The following PROM1 variants were observed in gnomAD, a reference collection of about 807,000 sequenced individuals.
The protein encoded by PROM1 is prominin 1.
A neutral mutation model predicts 116.9 loss-of-function variants in PROM1; 105 were observed. That is an observed-to-expected ratio of 0.90 (90% confidence interval 0.77 to 1.06). PROM1 has a LOEUF of 1.06. Among genes scored for constraint, PROM1 ranks in the 50% least tolerant of loss-of-function variants. The probability of loss-of-function intolerance (pLI) is 0.00; values close to 1 mark genes in which losing one functional copy is unlikely to be tolerated. For synonymous variants in PROM1, 393 were observed against 387.0 expected, an observed-to-expected ratio of 1.02 and a Z score of -0.18; for missense variants, 1,122 against 1,045.2, an observed-to-expected ratio of 1.07 and a Z score of -1.01.
rs146293079 is a variant in PROM1, at chr4:16,066,912, C to T, written c.220+8775G>A. Among the ~76,000 whole-genome samples, 655 of 152,132 alleles carry T rather than the reference C, an allele frequency of 4.3e-3. 4 individuals carry two copies. The highest frequency in any genetic ancestry group is 0.014 in the African/African-American group (599 of 41,490). On this transcript the variant is annotated intron_variant, in intron 2 of 27. Transcript: ENST00000447510. ...TTTCCCAGCTGTGCATAGCCCGCCT[C>T]GATTATTTATGTAGGGCAAGATAGG...
At chr4:16,016,311 T>G (rs1262247615) in intron 9 of PROM1, 71 bp from the exon 10 acceptor site, 1 of 1,215,050 alleles carries the variant, frequency 8.2e-7, no homozygotes, top group African/African-American at 1.5e-5. Context: ...AAGAAAGAAG[T>G]CATTGTATAT....
At chr4:16,078,047 T>G (rs2176445) in intron 1 of PROM1, 104,832 of 151,858 alleles carry the variant, frequency 0.69, 36,874 homozygotes, top group Non-Finnish European at 0.76. Flanking sequence ...TCACCACCTC[T>G]ACAACTAGGG....
intron 20 of PROM1, 122 bp from the exon 21 acceptor site, chr4:15,986,159 T>G: frequency 1.5e-6 from 1 of 679,916 alleles, no homozygotes; most frequent in South Asian, 2.2e-5. Context: ...ACCTGCTAGT[T>G]AAGAGGAAGA....
At chr4:16,015,929 T>C (rs910588349) in intron 10 of PROM1, among the ~76,000 whole-genome samples, 2 of 152,124 alleles carry the variant, frequency 1.3e-5, no homozygotes, top group Non-Finnish European at 2.9e-5. Context: ...GCAGAGGTCA[T>C]GTTCTTCTTG....
At chr4:16,078,746 A>G (rs1197429734) in intron 1 of PROM1, among the ~76,000 whole-genome samples, 1 of 152,236 alleles carries the variant, frequency 6.6e-6, no homozygotes, top group Non-Finnish European at 1.5e-5. Context: ...CCCACTACCA[A>G]TATTCCAAGT....
At chr4:16,054,284 C>A (rs1363129560) in intron 2 of PROM1, among the ~76,000 whole-genome samples, 1 of 152,144 alleles carries the variant, frequency 6.6e-6, no homozygotes, top group Non-Finnish European at 1.5e-5. Context: ...TATCTAACCC[C>A]TTTTACGCGG....
chr4:16,004,839 T>TCCTC (rs1724844355), intron 13 of PROM1, among the ~76,000 whole-genome samples: 1 of 139,262 alleles, frequency 7.2e-6, no homozygotes, highest in Non-Finnish European at 1.5e-5. Context: ...TTTTCTTCCT[T>TCCTC]CCTTCCTTCC....
In PROM1 at chr4:15,980,546, A is replaced by G. The variant is rs1717564658; in HGVS notation, c.2374-9T>C. On this transcript the variant is annotated splice_polypyrimidine_tract_variant and intron_variant, in intron 23 of 27. Transcript: ENST00000447510. ...CCAAACCAAAACAAATTCTAGGAAA[A>G]AAAAATCAGAAGAATTAAATGTTTG... The G allele has an allele frequency of 6.8e-7, 1 of 1,460,046 alleles. No individual in the cohort carries two copies. The highest frequency in any genetic ancestry group is 9.4e-7 in the Non-Finnish European group (1 of 1,067,724). The allele number at this position is 1,460,046 out of a possible 1,614,324, so 90.4% of individuals were successfully genotyped here. A position where few individuals can be genotyped will look rare whatever the true frequency, so the allele number is the denominator to read the frequency against.
intron 2 of PROM1, among the ~76,000 whole-genome samples, chr4:16,061,002 C>A (rs1372531540): frequency 6.6e-6 from 1 of 152,124 alleles, no homozygotes; most frequent in Non-Finnish European, 1.5e-5. Context: ...TGTCCCTTGC[C>A]CCTGAGCTCT....
intron 8 of PROM1, among the ~76,000 whole-genome samples, chr4:16,021,402 TG>T (rs2149321177): frequency 6.6e-6 from 1 of 152,318 alleles, no homozygotes; most frequent in African/African-American, 2.4e-5. Flanking sequence ...AATTTGGGGC[TG>T]GAAGAGACCT....
intron 23 of PROM1, 56 bp from the exon 24 acceptor site, chr4:15,980,593 A>G: frequency 9.2e-7 from 1 of 1,088,370 alleles, no homozygotes; most frequent in East Asian, 2.6e-5. Context: ...TGGGAAAAAC[A>G]GTTGTTTGGG....
intron 3 of PROM1, chr4:16,038,110 C>G (rs1049387097): frequency 6.6e-6 from 1 of 152,328 alleles, no homozygotes; most frequent in South Asian, 2.1e-4. Flanking sequence ...ATCCTTGTTA[C>G]ATTAACTAGA....
intron 8 of PROM1, among the ~76,000 whole-genome samples, chr4:16,021,121 A>G (rs2149319588): frequency 6.8e-6 from 1 of 146,556 alleles, no homozygotes; most frequent in East Asian, 2.0e-4. Context: ...AAAATGCTGG[A>G]GTAGTTTATT....
At chr4:16,011,425 C>T (rs17387271) in intron 11 of PROM1, among the ~76,000 whole-genome samples, 18,416 of 152,238 alleles carry the variant, frequency 0.12, 1,252 homozygotes, top group Non-Finnish European at 0.16. Flanking sequence ...AACCTAAACA[C>T]GAGAGCAAAG....
At chr4:16,040,101 A>G (rs1471916630) in intron 2 of PROM1, among the ~76,000 whole-genome samples, 1 of 152,170 alleles carries the variant, frequency 6.6e-6, no homozygotes, top group Admixed American at 6.5e-5. Context: ...CCTGAAATGT[A>G]CTAATGGGGG....
chr4:15,982,868 A>T (rs1472608916), intron 23 of PROM1, among the ~76,000 whole-genome samples: 3 of 152,204 alleles, frequency 2.0e-5, no homozygotes, highest in African/African-American at 7.2e-5. Context: ...TCGGAGGCAG[A>T]ATCCTTTTCA....
At chr4:16,004,931 CTCTT>C (rs148675177) in intron 13 of PROM1, among the ~76,000 whole-genome samples, 24,345 of 107,158 alleles carry the variant, frequency 0.23, 3,209 homozygotes, top group South Asian at 0.32. Context: ...TCCTTCCTTC[CTCTT>C]TCTTTTTTTC....
chr4:16,020,384 C>T (rs1729536540), intron 8 of PROM1, among the ~76,000 whole-genome samples: 1 of 152,100 alleles, frequency 6.6e-6, no homozygotes, highest in African/African-American at 2.4e-5. Context: ...TTCATCTCTC[C>T]CACCTATCAT....
intron 26 of PROM1, among the ~76,000 whole-genome samples, chr4:15,972,347 A>G (rs1207338829): frequency 3.3e-5 from 5 of 152,240 alleles, no homozygotes; most frequent in Admixed American, 3.3e-4. Context: ...CACGAAGTCC[A>G]AGAACCTGGT....
Sources: allele counts gnomAD v4.1 joint callset (sites outside exome capture counted in the v4.1 genomes callset), GRCh38; gene constraint gnomAD v4.1.1; transcripts MANE v1.5; gene names NCBI Gene and HGNC (gene_info 2026-07-23, HGNC 2026-07-21).